Variants in MYO1B observed in about 807,000 individuals in gnomAD.
The protein encoded by MYO1B is unconventional myosin-Ib.
In MYO1B, 72 loss-of-function variants were observed where a neutral mutation model predicts 159.7. That is an observed-to-expected ratio of 0.45 (90% confidence interval 0.37 to 0.55). The LOEUF is 0.55. Among genes scored for constraint, MYO1B ranks in the 20% least tolerant of loss-of-function variants. The pLI is 0.00. For synonymous variants in MYO1B, 468 were observed against 473.8 expected, an observed-to-expected ratio of 0.99 and a Z score of 0.16; for missense variants, 1,062 against 1,364.8, an observed-to-expected ratio of 0.78 and a Z score of 3.50.
At chr2:191,297,461 T>G (rs1689052804) in intron 3 of MYO1B, among the ~76,000 whole-genome samples, 1 of 152,190 alleles carries the variant, frequency 6.6e-6, no homozygotes, top group African/African-American at 2.4e-5. Context: ...TTGGAAGGTG[T>G]CAAGCATTCT....
At chr2:191,258,710 A>G (rs543688294) in intron 1 of MYO1B, among the ~76,000 whole-genome samples, 1 of 152,210 alleles carries the variant, frequency 6.6e-6, no homozygotes, top group South Asian at 2.1e-4. Context: ...TTGTATCTCC[A>G]CTTCATACAC....
intron 3 of MYO1B, among the ~76,000 whole-genome samples, chr2:191,322,179 C>T (rs1252286546): frequency 6.6e-6 from 1 of 152,118 alleles, no homozygotes; most frequent in Non-Finnish European, 1.5e-5. Context: ...TGGTTTCATG[C>T]CTAGGGCATT....
chr2:191,277,635 A>G (rs1001001736), intron 2 of MYO1B, among the ~76,000 whole-genome samples: 2 of 152,240 alleles, frequency 1.3e-5, no homozygotes, highest in African/African-American at 2.4e-5. Flanking sequence ...CACAGGGTCA[A>G]GTTCTCTAAA....
intron 26 of MYO1B, among the ~76,000 whole-genome samples, 185 bp downstream of exon 26, chr2:191,409,363 C>T (rs576228799): frequency 6.6e-6 from 1 of 152,338 alleles, no homozygotes; most frequent in Admixed American, 6.5e-5. Context: ...GCGGCCCAGG[C>T]GTTCCCTGTG....
chr2:191,423,772 C>T, intron 30 of MYO1B, 65 bp from the exon 31 acceptor site: 1 of 1,529,080 alleles, frequency 6.5e-7, no homozygotes, highest in Non-Finnish European at 8.8e-7. Context: ...AATACAAAAG[C>T]AAGTGTTATT....
intron 7 of MYO1B, among the ~76,000 whole-genome samples, chr2:191,351,462 A>T (rs938308686): frequency 7.5e-5 from 4 of 53,550 alleles, no homozygotes; most frequent in South Asian, 8.1e-4. Context: ...CAGCTGATTT[A>T]AAAAAAAAAT....
chr2:191,419,503 C>G (rs1427456858), intron 30 of MYO1B, among the ~76,000 whole-genome samples: 1 of 152,216 alleles, frequency 6.6e-6, no homozygotes, highest in Admixed American at 6.5e-5. Context: ...TAGGCGTGAG[C>G]CACCACGCCC....
chr2:191,293,544 G>T (rs1430835633), intron 2 of MYO1B, among the ~76,000 whole-genome samples: 1 of 152,160 alleles, frequency 6.6e-6, no homozygotes. Context: ...GCTCAATAAG[G>T]AGTGGATTAT....
At chr2:191,396,021 T>A (rs181416330) in intron 20 of MYO1B, among the ~76,000 whole-genome samples, 1 of 151,644 alleles carries the variant, frequency 6.6e-6, no homozygotes, top group African/African-American at 2.4e-5. Flanking sequence ...ACTAGGGAGG[T>A]TTAGAGGTGG....
In MYO1B at chr2:191,303,875, C is replaced by T. The variant is rs190121177; in HGVS notation, c.251+7649C>T. 3.9e-5 allele frequency among the ~76,000 whole-genome samples: 6 copies of T among 152,290 alleles called. No individual in the cohort carries two copies. In the East Asian group the frequency reaches 9.6e-4, roughly 24 times the overall value. On this transcript the variant is annotated intron_variant, in intron 3 of 30. Coordinates refer to ENST00000392318, the MANE Select transcript of MYO1B (RefSeq NM_001130158.3). ...GAAGGGGATTAGAGCTTTGTTTGCT[C>T]TCCAGTTTAGATGCCTTAAATAAAC...
chr2:191,361,921 G>C (rs57556907), intron 8 of MYO1B, among the ~76,000 whole-genome samples: 1 of 152,012 alleles, frequency 6.6e-6, no homozygotes, highest in African/African-American at 2.4e-5. Flanking sequence ...CCAATGGTGA[G>C]GGAATCACCA....
chr2:191,290,531 G>C (rs550770351), intron 2 of MYO1B, among the ~76,000 whole-genome samples: 1 of 152,210 alleles, frequency 6.6e-6, no homozygotes, highest in South Asian at 2.1e-4. Flanking sequence ...TATTAGAATC[G>C]AACAAAAAAT....
At chr2:191,290,670 G>A (rs1688638139) in intron 2 of MYO1B, among the ~76,000 whole-genome samples, 1 of 152,134 alleles carries the variant, frequency 6.6e-6, no homozygotes, top group Non-Finnish European at 1.5e-5. Context: ...TCTTATATAT[G>A]AGTTGTAATC....
chr2:191,416,195 A>G lies in MYO1B; in HGVS notation c.3240A>G (p.Thr1080=), dbSNP rs2126182843. 1 of 1,614,180 alleles carries G rather than the reference A, an allele frequency of 6.2e-7. No individual in the cohort carries two copies. Among genetic ancestry groups the G allele is most frequent in the Non-Finnish European group, 8.5e-7 (1 of 1,180,026 alleles). Residue 1080 remains threonine, a synonymous_variant, in exon 30 of 31, where the codon ACA becomes ACG. Coordinates refer to ENST00000392318, the MANE Select transcript of MYO1B (RefSeq NM_001130158.3). ...AAATGGCCACCAAGCTCTATCGCAC[A>G]ACTCTCAGCCAAACCAAACAGAAGC... is the stretch of plus-strand genomic sequence containing the variant. ...LIEMATKLYR[T]TLSQTKQKLN...
chr2:191,421,257 A>G (rs1697920319), intron 30 of MYO1B, among the ~76,000 whole-genome samples: 1 of 151,828 alleles, frequency 6.6e-6, no homozygotes, highest in Non-Finnish European at 1.5e-5. Context: ...TTTAGTAAAG[A>G]CGAGGTTTCA....
At chr2:191,320,761 A>G (rs982629263) in intron 3 of MYO1B, among the ~76,000 whole-genome samples, 1 of 152,110 alleles carries the variant, frequency 6.6e-6, no homozygotes, top group East Asian at 1.9e-4. Flanking sequence ...TCCTCTGCAC[A>G]GCCCTGTGAG....
chr2:191,271,643 A>G lies in MYO1B; in HGVS notation c.-9-5244A>G, dbSNP rs1030433929. 1.1e-4 allele frequency among the ~76,000 whole-genome samples: 17 copies of G among 152,250 alleles called. No individual in the cohort carries two copies. The South Asian group carries it at 1.9e-3, about 17-fold the overall frequency. Reference sequence around the variant, plus strand: ...CAAATTCTACGATAAAAGTGTTTCAACGTATACATTGTTCTTATCTGTGGT... The same window carrying G: ...CAAATTCTACGATAAAAGTGTTTCAGCGTATACATTGTTCTTATCTGTGGT... On this transcript the variant is annotated intron_variant, in intron 1 of 30. Transcript: ENST00000392318.
chr2:191,264,378 T>G (rs1559125279), intron 1 of MYO1B, among the ~76,000 whole-genome samples: 1 of 152,188 alleles, frequency 6.6e-6, no homozygotes, highest in African/African-American at 2.4e-5. Context: ...TCTAAAAAAC[T>G]TTTTTAAACC....
At chr2:191,286,373 A>C (rs1688373926) in intron 2 of MYO1B, among the ~76,000 whole-genome samples, 1 of 152,008 alleles carries the variant, frequency 6.6e-6, no homozygotes, top group Non-Finnish European at 1.5e-5. Context: ...GCCCTCTGCA[A>C]GGAAATTTGG....
Sources: gnomAD v4.1 joint callset for allele counts (sites outside exome capture counted in the v4.1 genomes callset) on GRCh38, gnomAD v4.1.1 for gene constraint, MANE v1.5 for transcripts, NCBI Gene and HGNC (gene_info 2026-07-23, HGNC 2026-07-21) for gene names.